SLC14A2: variants seen among roughly 807,000 people sequenced by gnomAD.
SLC14A2 encodes the protein urea transporter 2.
SLC14A2 carries 91 observed loss-of-function variants against 104.6 expected under a neutral mutation model. That is an observed-to-expected ratio of 0.87 (90% CI 0.73 to 1.04). The LOEUF (loss-of-function observed/expected upper bound fraction) is 1.04. Ranked by LOEUF, SLC14A2 falls within the 50% of genes least tolerant of loss-of-function variation. The probability of loss-of-function intolerance (pLI) is 0.00; values close to 1 mark genes in which losing one functional copy is unlikely to be tolerated. For synonymous variants in SLC14A2, 476 were observed against 466.4 expected, an observed-to-expected ratio of 1.02 and a Z score of -0.27; for missense variants, 1,189 against 1,156.0, an observed-to-expected ratio of 1.03 and a Z score of -0.41.
the SLC14A2 span, among the ~76,000 whole-genome samples, chr18:45,190,537 G>A: frequency 3.3e-5 from 5 of 152,128 alleles, no homozygotes; most frequent in Non-Finnish European, 5.9e-5. Context: ...TTGAGGATTA[G>A]CATTTCAGGT....
At chr18:45,260,433 C>G (rs1011169757) in intron 1 of SLC14A2, among the ~76,000 whole-genome samples, 1 of 152,158 alleles carries the variant, frequency 6.6e-6, no homozygotes, top group East Asian at 1.9e-4. Flanking sequence ...CTTTTAAAAA[C>G]TTCACACTCA....
At chr18:45,355,526 C>T (rs1269835833) in intron 1 of SLC14A2, among the ~76,000 whole-genome samples, 6 of 131,048 alleles carry the variant, frequency 4.6e-5, no homozygotes, top group African/African-American at 1.2e-4. Context: ...TGCAGTGAGC[C>T]GAGATCGCAC....
intron 5 of SLC14A2, among the ~76,000 whole-genome samples, chr18:45,634,280 C>T (rs550482794): frequency 5.3e-5 from 8 of 152,192 alleles, no homozygotes; most frequent in Non-Finnish European, 1.2e-4. Flanking sequence ...AAAGGTTGAC[C>T]CTAGATGCTG....
chr18:45,390,095 T>G (rs977357380), intron 1 of SLC14A2, among the ~76,000 whole-genome samples: 4 of 152,212 alleles, frequency 2.6e-5, no homozygotes, highest in Non-Finnish European at 4.4e-5. Context: ...GGCTTTGCCA[T>G]AGGCCCTGGA....
At chr18:45,192,557 T>A in the SLC14A2 span, among the ~76,000 whole-genome samples, 6 of 152,192 alleles carry the variant, frequency 3.9e-5, no homozygotes, top group Non-Finnish European at 8.8e-5. Flanking sequence ...CTTCACATGC[T>A]TGCCAATACT....
intron 2 of SLC14A2, among the ~76,000 whole-genome samples, chr18:45,500,940 C>T (rs1292233081): frequency 3.9e-5 from 6 of 152,150 alleles, no homozygotes; most frequent in Non-Finnish European, 7.3e-5. Context: ...AGAAGTATTT[C>T]TCAAAAGGAC....
At chr18:45,296,650 TA>T (rs2084920171) in intron 1 of SLC14A2, among the ~76,000 whole-genome samples, 1 of 152,174 alleles carries the variant, frequency 6.6e-6, no homozygotes, top group Admixed American at 6.5e-5. Context: ...ATTCCCCTGC[TA>T]GGCACCCCAG....
At chr18:45,250,581 C>T (rs1031224603) in intron 1 of SLC14A2, among the ~76,000 whole-genome samples, 6 of 151,944 alleles carry the variant, frequency 3.9e-5, no homozygotes, top group Non-Finnish European at 7.4e-5. Flanking sequence ...ACATCCTTCC[C>T]ATTGCCCTTG....
intron 2 of SLC14A2, among the ~76,000 whole-genome samples, chr18:45,594,308 GAC>G (rs2044693100): frequency 6.6e-6 from 1 of 152,214 alleles, no homozygotes; most frequent in East Asian, 1.9e-4. Flanking sequence ...TTAAGTGTAA[GAC>G]ACATCAAAGA....
intron 1 of SLC14A2, among the ~76,000 whole-genome samples, chr18:45,294,299 C>A (rs1018085493): frequency 6.6e-6 from 1 of 152,118 alleles, no homozygotes; most frequent in African/African-American, 2.4e-5. Context: ...GCCATAGGGC[C>A]TAAACTAATT....
At chr18:45,520,164 T>C (rs182071695) in intron 2 of SLC14A2, among the ~76,000 whole-genome samples, 73 of 152,352 alleles carry the variant, frequency 4.8e-4, no homozygotes, top group African/African-American at 1.7e-3. Context: ...AATGAGTCAT[T>C]CAACCATGTT....
chr18:45,597,922 G>A (rs1043308554), intron 2 of SLC14A2, among the ~76,000 whole-genome samples: 2 of 152,200 alleles, frequency 1.3e-5, no homozygotes, highest in African/African-American at 4.8e-5. Flanking sequence ...GTGTGTGAAA[G>A]AGGCCTGAGC....
At chr18:45,317,641 C>A (rs1337672534) in intron 1 of SLC14A2, among the ~76,000 whole-genome samples, 1 of 152,062 alleles carries the variant, frequency 6.6e-6, no homozygotes, top group Non-Finnish European at 1.5e-5. Context: ...CGGTCAGAGC[C>A]CCGAGGCAGG....
chr18:45,563,917 T>G (rs1599009398), intron 2 of SLC14A2, among the ~76,000 whole-genome samples: 1 of 152,250 alleles, frequency 6.6e-6, no homozygotes, highest in African/African-American at 2.4e-5. Flanking sequence ...CTTTCACATA[T>G]GAGCTATGAG....
intron 1 of SLC14A2, among the ~76,000 whole-genome samples, chr18:45,450,738 C>T (rs1194513530): frequency 2.6e-5 from 4 of 152,198 alleles, no homozygotes; most frequent in South Asian, 4.1e-4. Flanking sequence ...TTAACTGTAG[C>T]CTCTGTGCTT....
intron 2 of SLC14A2, among the ~76,000 whole-genome samples, chr18:45,498,325 TGA>T: frequency 6.6e-6 from 1 of 152,320 alleles, no homozygotes. Context: ...TCTGTGAGGC[TGA>T]GAGCTCAAGG....
At chr18:45,586,630 C>T (rs1186251532) in intron 2 of SLC14A2, among the ~76,000 whole-genome samples, 1 of 152,156 alleles carries the variant, frequency 6.6e-6, no homozygotes, top group Middle Eastern at 3.2e-3. Context: ...GCCGTGACTG[C>T]TTGCCCTTTG....
At chr18:45,668,089 C>G in intron 14 of SLC14A2, 67 bp downstream of exon 14, 1 of 1,459,260 alleles carries the variant, frequency 6.9e-7, no homozygotes, top group Non-Finnish European at 9.5e-7. Flanking sequence ...GACCATTCTT[C>G]CTCTTCCCAG....
intron 1 of SLC14A2, among the ~76,000 whole-genome samples, chr18:45,354,769 T>C (rs1319579625): frequency 1.3e-5 from 2 of 152,180 alleles, no homozygotes; most frequent in Non-Finnish European, 2.9e-5. Flanking sequence ...TTCCCCAACC[T>C]TCACTCTCCA....
Sources: allele counts gnomAD v4.1 joint callset (sites outside exome capture counted in the v4.1 genomes callset), GRCh38; gene constraint gnomAD v4.1.1; transcripts MANE v1.5; gene names NCBI Gene and HGNC (gene_info 2026-07-23, HGNC 2026-07-21).